SFPQ: variants seen among roughly 807,000 people sequenced by gnomAD.
SFPQ encodes the protein splicing factor, proline- and glutamine-rich.
In SFPQ, 11 loss-of-function variants were observed where a neutral mutation model predicts 72.9. The observed-to-expected ratio is 0.15, with a 90% CI of 0.09 to 0.25. The LOEUF is 0.25. Among genes scored for constraint, SFPQ ranks in the 10% least tolerant of loss-of-function variants. The pLI is 1.00. For synonymous variants in SFPQ, 506 were observed against 367.3 expected (o/e 1.38, Z -4.32); for missense variants, 847 against 993.3 (o/e 0.85, Z 1.98).
intron 1 of SFPQ, among the ~76,000 whole-genome samples, 185 bp from the exon 2 acceptor site, chr1:35,191,714 T>A (rs946822126): frequency 1.3e-5 from 2 of 152,156 alleles, no homozygotes; most frequent in Non-Finnish European, 2.9e-5. Context: ...AGCCCCATCA[T>A]CCAGAATGTT....
In SFPQ at chr1:35,189,247, G is replaced by A. The variant is rs779669519; in HGVS notation, c.1551C>T (p.Asp517=). The A allele has an allele frequency of 3.7e-6, 6 of 1,613,616 alleles. No individual in the cohort carries two copies. Among genetic ancestry groups the A allele is most frequent in the Middle Eastern group, 1.7e-4 (1 of 6,060 alleles). ...QVEKNMKDAK[D]KLESEMEDAY... is the part of the protein sequence containing the mutation. Reference sequence around the variant, plus strand: ...CATCTTCCATTTCACTTTCCAATTTGTCTTTTGCATCTTTCATGTTTTTTT... The same window carrying A: ...CATCTTCCATTTCACTTTCCAATTTATCTTTTGCATCTTTCATGTTTTTTT... The change falls in exon 5 of 10, where the codon GAC becomes GAT. Residue 517 remains aspartate, a synonymous_variant. Coordinates refer to ENST00000357214, the MANE Select transcript of SFPQ (RefSeq NM_005066.3).
downstream of SFPQ, chr1:35,179,519 AC>A: frequency 9.5e-7 from 1 of 1,054,522 alleles, no homozygotes; most frequent in Non-Finnish European, 1.1e-6. Context: ...CAATGCAAGC[AC>A]CTCGGTATAG....
In SFPQ at chr1:35,190,369, A is replaced by G. The variant is rs1452995017; in HGVS notation, c.1415+129T>C. The G allele has an allele frequency of 1.2e-5, 8 of 657,484 alleles. No individual in the cohort carries two copies. In the East Asian group the frequency reaches 2.2e-4, roughly 18 times the overall value. The allele number at this position is 657,484 out of a possible 1,614,324, so 40.7% of individuals were successfully genotyped here. A position where few individuals can be genotyped will look rare whatever the true frequency, so the allele number is the denominator to read the frequency against. On this transcript the variant is annotated intron_variant, in intron 4 of 9. Coordinates refer to ENST00000357214, the MANE Select transcript of SFPQ (RefSeq NM_005066.3). The stretch of plus-strand genomic sequence containing the variant: ...AGCTTCAAATCTTTCTCAGCCTGAG[A>G]TTTTTTACTAATAAGCATATCCACA...
At chr1:35,185,234 C>T (rs748064809) in intron 9 of SFPQ, among the ~76,000 whole-genome samples, 10 of 152,194 alleles carry the variant, frequency 6.6e-5, no homozygotes, top group Non-Finnish European at 1.2e-4. Context: ...ACTTATGTTG[C>T]CAAATTCTCA....
intron 9 of SFPQ, among the ~76,000 whole-genome samples, chr1:35,185,722 T>C (rs1570121221): frequency 6.6e-6 from 1 of 152,194 alleles, no homozygotes; most frequent in Non-Finnish European, 1.5e-5. Context: ...CTACTCAACA[T>C]GACTAAACTT....
At position 35,190,600 on chromosome 1, in the gene SFPQ, A is replaced by G; in HGVS notation, c.1320-7T>C. ...AATGACTGGACGAGGAGTTCTAATA[A>G]CAAAAATGGTTCCATCTTAGCTTTG... On this transcript the variant is annotated splice_polypyrimidine_tract_variant and splice_region_variant and intron_variant, in intron 3 of 9. Coordinates refer to ENST00000357214, the MANE Select transcript of SFPQ (RefSeq NM_005066.3). The G allele has an allele frequency of 6.2e-7, 1 of 1,611,530 alleles. No homozygotes were observed. The highest frequency in any genetic ancestry group is 1.1e-5 in the South Asian group (1 of 90,392).
At chr1:35,180,569 A>G, downstream of SFPQ, 5 of 1,049,232 alleles carry the variant, frequency 4.8e-6, no homozygotes, top group Non-Finnish European at 5.8e-6. Flanking sequence ...TTAGATTCCC[A>G]TCTAAGCCCA....
chr1:35,180,158 T>C (rs192015717), downstream of SFPQ: 26 of 1,049,994 alleles, frequency 2.5e-5, no homozygotes, highest in Admixed American at 2.2e-4. Context: ...TCAGCATTTA[T>C]GCAAAGTAAA....
At chr1:35,182,432 A>G (rs1639508393), downstream of SFPQ, 4 of 985,264 alleles carry the variant, frequency 4.1e-6, no homozygotes, top group South Asian at 9.4e-5. Context: ...AATGAGCATT[A>G]CTTTCTAATG....
chr1:35,183,108 A>G lies in SFPQ; in HGVS notation c.*1348T>C. The G allele has an allele frequency of 1.0e-6, 1 of 997,406 alleles. No homozygotes were observed. The highest frequency in any genetic ancestry group is 1.2e-6 in the Non-Finnish European group (1 of 851,094). 61.8% of individuals were successfully genotyped at this position (997,406 alleles called of 1,614,324 possible). On this transcript the variant is annotated 3_prime_UTR_variant, in exon 10 of 10. Transcript: ENST00000357214. Reference sequence around the variant, plus strand: ...TTAACAATCACCACTAGCTCTTAGAAGAGAACCAATAGATTTTTATAGTCC... The same window carrying G: ...TTAACAATCACCACTAGCTCTTAGAGGAGAACCAATAGATTTTTATAGTCC...
downstream of SFPQ, chr1:35,180,268 T>C: frequency 1.9e-6 from 2 of 1,050,648 alleles, no homozygotes; most frequent in Middle Eastern, 4.3e-4. Flanking sequence ...AAGTGAGGTC[T>C]GGAACAACAG....
downstream of SFPQ, chr1:35,182,905 G>A: frequency 9.6e-7 from 1 of 1,045,572 alleles, no homozygotes; most frequent in Non-Finnish European, 1.2e-6. Context: ...GGGGTTCAAT[G>A]AAGTTGACAA....
At chr1:35,176,953 A>G (rs1038947768) in intron 5 of SFPQ, among the ~76,000 whole-genome samples, 5 of 149,892 alleles carry the variant, frequency 3.3e-5, no homozygotes, top group African/African-American at 1.2e-4. Context: ...GAGTGGCTCA[A>G]GCCTGTAATC....
intron 9 of SFPQ, among the ~76,000 whole-genome samples, chr1:35,184,889 A>C (rs140234539): frequency 6.6e-6 from 1 of 152,334 alleles, no homozygotes; most frequent in African/African-American, 2.4e-5. Context: ...TCCATTCCAA[A>C]ATGAGTTCTA....
chr1:35,182,310 C>A, downstream of SFPQ: 2 of 985,294 alleles, frequency 2.0e-6, no homozygotes, highest in Non-Finnish European at 2.4e-6. Flanking sequence ...TGTTTCCGTA[C>A]AGAAAATCTC....
downstream of SFPQ, chr1:35,181,289 G>A (rs1639453795): frequency 9.4e-7 from 1 of 1,065,626 alleles, no homozygotes. Flanking sequence ...TACTTTAATA[G>A]TGCATAATTG....
At position 35,184,549 on chromosome 1, in the gene SFPQ, T is replaced by C. The variant is rs1263982454; in HGVS notation, c.2031A>G (p.Gly677=). 1.2e-6 allele frequency: 2 copies of C among 1,612,516 alleles called. No homozygotes were observed. The highest frequency in any genetic ancestry group is 1.1e-5 in the South Asian group (1 of 90,812). ...CAGGCCCCATTCCTCTAGGACCCTG[T>C]CCACCCACAGGCCCCGCACCTCCCT... ...FGQGGAGPVG[G]QGPRGMGPGT... Residue 677 remains glycine, a synonymous_variant, in exon 10 of 10, where the codon GGA becomes GGG. Transcript: ENST00000357214.
downstream of SFPQ, chr1:35,182,783 T>A (rs1639523508): frequency 9.5e-7 from 1 of 1,052,820 alleles, no homozygotes; most frequent in Non-Finnish European, 1.1e-6. Flanking sequence ...TACCTACTGT[T>A]AGGAAGCTGT....
rs1247615695 is a variant in SFPQ, at chr1:35,183,754, G to A, written c.*702C>T. 28 of 1,051,394 alleles carry A rather than the reference G, an allele frequency of 2.7e-5. No homozygotes were observed. Among genetic ancestry groups the A allele is most frequent in the Admixed American group, 5.5e-5 (1 of 18,214 alleles). 65.1% of individuals were successfully genotyped at this position (1,051,394 alleles called of 1,614,324 possible). On this transcript the variant is annotated 3_prime_UTR_variant, in exon 10 of 10. Coordinates refer to ENST00000357214, the MANE Select transcript of SFPQ (RefSeq NM_005066.3). ...GCTTTCAAGTAAAGGATAGATCATA[G>A]GGCCATAAAAGATCCATTTAATCAA...
Sources: gnomAD v4.1 joint callset for allele counts (sites outside exome capture counted in the v4.1 genomes callset) on GRCh38, gnomAD v4.1.1 for gene constraint, MANE v1.5 for transcripts, NCBI Gene and HGNC (gene_info 2026-07-23, HGNC 2026-07-21) for gene names.